DOK6: variants seen among roughly 807,000 people sequenced by gnomAD.
DOK6 encodes the protein downstream of tyrosine kinase 6.
A neutral mutation model predicts 44.0 loss-of-function variants in DOK6; 22 were observed. The observed-to-expected ratio is 0.50, with a 90% CI of 0.36 to 0.71. The LOEUF (loss-of-function observed/expected upper bound fraction) is 0.71, where lower values mean the gene tolerates loss of function less well. DOK6 is among the 30% of genes least tolerant of loss of function. DOK6 has a pLI of 0.00. For missense variants in DOK6, 340 were observed against 416.4 expected (o/e 0.82, Z 1.60); for synonymous variants, 166 against 145.5 (o/e 1.14, Z -1.01).
chr18:69,455,156 C>CAAAAAAAAAAAA (rs58451274), intron 1 of DOK6, among the ~76,000 whole-genome samples: 10 of 117,432 alleles, frequency 8.5e-5, no homozygotes, highest in Non-Finnish European at 1.2e-4. Flanking sequence ...ATAGCTATAG[C>CAAAAAAAAAAAA]AAAAAAAAAA....
chr18:69,599,777 G>A (rs1374157634), intron 3 of DOK6, among the ~76,000 whole-genome samples: 5 of 152,144 alleles, frequency 3.3e-5, no homozygotes, highest in Non-Finnish European at 5.9e-5. Flanking sequence ...GGTGTTGTTC[G>A]GGTGAGTGCA....
chr18:69,455,156 C>CAAAAAAAAAAAAAAAAGAAAAAAA (rs1979593576), intron 1 of DOK6, among the ~76,000 whole-genome samples: 1 of 117,448 alleles, frequency 8.5e-6, no homozygotes, highest in Non-Finnish European at 1.8e-5. Flanking sequence ...ATAGCTATAG[C>CAAAAAAAAAAAAAAAAGAAAAAAA]AAAAAAAAAA....
intron 2 of DOK6, among the ~76,000 whole-genome samples, chr18:69,590,026 T>C (rs1983589517): frequency 6.6e-6 from 1 of 152,116 alleles, no homozygotes; most frequent in South Asian, 2.1e-4. Flanking sequence ...TCACAGCATA[T>C]ACCCTAAGAG....
chr18:69,599,558 C>A, intron 3 of DOK6, 60 bp downstream of exon 3: 1 of 1,391,132 alleles, frequency 7.2e-7, no homozygotes, highest in Non-Finnish European at 1.0e-6. Context: ...AGACAATGGC[C>A]CAGGCGGATT....
intron 1 of DOK6, among the ~76,000 whole-genome samples, chr18:69,523,698 G>T (rs186373131): frequency 1.8e-3 from 277 of 151,420 alleles, no homozygotes; most frequent in Middle Eastern, 3.4e-3. Flanking sequence ...TGTCTCTTTG[G>T]TGTTATTTAT....
At chr18:69,598,046 A>G (rs1270468691) in intron 2 of DOK6, among the ~76,000 whole-genome samples, 2 of 152,128 alleles carry the variant, frequency 1.3e-5, no homozygotes, top group East Asian at 1.9e-4. Flanking sequence ...TCCACATTAT[A>G]GATTACTCGC....
At chr18:69,666,994 C>G (rs1032044637) in intron 3 of DOK6, among the ~76,000 whole-genome samples, 1 of 152,058 alleles carries the variant, frequency 6.6e-6, no homozygotes, top group Admixed American at 6.6e-5. Flanking sequence ...CCAGAAGGAC[C>G]CCCCCTCCCC....
At chr18:69,457,679 A>C (rs151169506) in intron 1 of DOK6, among the ~76,000 whole-genome samples, 1 of 152,130 alleles carries the variant, frequency 6.6e-6, no homozygotes, top group Admixed American at 6.5e-5. Context: ...GAGGAATGTC[A>C]TTGGTAGTTT....
intron 3 of DOK6, among the ~76,000 whole-genome samples, chr18:69,675,348 G>A (rs58004779): frequency 0.013 from 2,042 of 152,220 alleles, 48 homozygotes; most frequent in African/African-American, 0.047. Flanking sequence ...GAGAATATTG[G>A]CACCAAGGTG....
Position 69,401,264 on chromosome 18 carries a change from A to G in DOK6, c.20A>G (p.Asp7Gly). 2 of 1,582,364 alleles carry G rather than the reference A, an allele frequency of 1.3e-6. No individual in the cohort carries two copies. The highest frequency in any genetic ancestry group is 1.8e-5 in the Admixed American group (1 of 57,006). Residue 7 changes from aspartate to glycine, a missense_variant, in exon 1 of 8, where the codon GAC becomes GGC. Physicochemically the swap from Asp to Gly is moderately conservative, Grantham distance 94. This residue lies in a region of DOK6 where 206 missense variants were observed against 258.6 expected (regional missense o/e 0.80). Coordinates refer to ENST00000382713, the MANE Select transcript of DOK6 (RefSeq NM_152721.6). The part of the protein sequence containing the change: MASNFN[D>G]IVKQGYVKIR... ...CTGGCCATGGCCTCCAACTTTAACG[A>G]CATAGTCAAGCAGGGCTACGTGAAA...
intron 1 of DOK6, among the ~76,000 whole-genome samples, chr18:69,410,427 T>A (rs925314551): frequency 6.6e-6 from 1 of 152,224 alleles, no homozygotes; most frequent in Non-Finnish European, 1.5e-5. Context: ...AGAGAAAATA[T>A]GTAACATGCT....
intron 1 of DOK6, among the ~76,000 whole-genome samples, chr18:69,504,138 G>C (rs1339331432): frequency 6.6e-6 from 1 of 151,960 alleles, no homozygotes; most frequent in East Asian, 1.9e-4. Context: ...GTTTCAGATA[G>C]AGAACTGTCA....
intron 5 of DOK6, among the ~76,000 whole-genome samples, chr18:69,731,375 T>C (rs988740683): frequency 1.3e-5 from 2 of 152,134 alleles, no homozygotes; most frequent in Non-Finnish European, 2.9e-5. Flanking sequence ...AAATCTAAAA[T>C]CTAATACAGT....
At chr18:69,762,666 T>A (rs953694355) in intron 7 of DOK6, among the ~76,000 whole-genome samples, 7 of 152,226 alleles carry the variant, frequency 4.6e-5, no homozygotes, top group African/African-American at 1.2e-4. Context: ...TTTAAGAGAT[T>A]AAGATTCATT....
chr18:69,711,804 C>T (rs906408284), intron 5 of DOK6, among the ~76,000 whole-genome samples: 1 of 152,130 alleles, frequency 6.6e-6, no homozygotes, highest in Non-Finnish European at 1.5e-5. Flanking sequence ...CACTTTGTAT[C>T]AGAAGAAAAA....
At chr18:69,404,788 TG>T (rs1244519014) in intron 1 of DOK6, among the ~76,000 whole-genome samples, 1 of 22,052 alleles carries the variant, frequency 4.5e-5, no homozygotes, top group Admixed American at 2.9e-4. Context: ...GATAGGGTGG[TG>T]TGTGTGTGTG....
chr18:69,698,645 T>G (rs1216610554), intron 5 of DOK6, 52 bp downstream of exon 5: 1 of 1,547,610 alleles, frequency 6.5e-7, no homozygotes, highest in Non-Finnish European at 8.7e-7. Context: ...TAACAGAGTC[T>G]GTATAACAGA....
intron 3 of DOK6, among the ~76,000 whole-genome samples, chr18:69,610,989 G>A (rs1325936519): frequency 1.3e-5 from 2 of 152,064 alleles, no homozygotes; most frequent in African/African-American, 4.8e-5. Flanking sequence ...ACTGCTACCT[G>A]AGGTAAGGGA....
At chr18:69,721,836 A>G (rs1978289151) in intron 5 of DOK6, among the ~76,000 whole-genome samples, 1 of 152,244 alleles carries the variant, frequency 6.6e-6, no homozygotes, top group Non-Finnish European at 1.5e-5. Flanking sequence ...AAATAATTTA[A>G]ACAGTGCTGT....
Sources: gnomAD v4.1 joint callset for allele counts (sites outside exome capture counted in the v4.1 genomes callset) on GRCh38, gnomAD v4.1.1 for gene constraint, gnomAD v4.1.1 regional missense constraint, MANE v1.5 for transcripts, NCBI Gene and HGNC (gene_info 2026-07-23, HGNC 2026-07-21) for gene names.